ESYT2: variants seen among roughly 807,000 people sequenced by gnomAD.
ESYT2 encodes the protein extended synaptotagmin 2, also known as extended synaptotagmin-2.
ESYT2 carries 54 observed loss-of-function variants against 107.2 expected under a neutral mutation model. That is an observed-to-expected ratio of 0.50 (90% CI 0.40 to 0.63). The LOEUF (loss-of-function observed/expected upper bound fraction) is 0.63. Ranked by LOEUF, ESYT2 falls within the 30% of genes least tolerant of loss-of-function variation. The pLI is 0.00. For synonymous variants in ESYT2, 491 were observed against 434.1 expected (o/e 1.13, Z -1.63); for missense variants, 1,020 against 1,094.5 (o/e 0.93, Z 0.96).
Position 158,764,811 on chromosome 7 carries a change from C to G in ESYT2, c.967G>C (p.Gly323Arg). 6.2e-7 allele frequency: 1 copy of G among 1,614,130 alleles called. No individual in the cohort carries two copies. ...IHFIEAQDLQ[G>R]KDTYLKGLVK... The stretch of plus-strand genomic sequence containing the variant: ...AGTCCCTTAAGGTAAGTGTCTTTCC[C>G]CTGAAGATCCTGAGCTTCAATAAAA... Residue 323 changes from glycine to arginine, a missense_variant, in exon 9 of 23, where the codon GGG becomes CGG. Coordinates refer to ENST00000275418, the MANE Select transcript of ESYT2 (RefSeq NM_001367773.1).
rs34213199 is a variant in ESYT2 at position 158,764,681 on chromosome 7, T to C, written c.1097A>G (p.Tyr366Cys). ...ENLSPKWNEVYEALVYEHPGQ... is the reference protein window; with the variant it reads ...ENLSPKWNEVCEALVYEHPGQ... Reference sequence around the variant, plus strand: ...ACAGCAGACACGACACCCCACCTCATAGACTTCATTCCACTTTGGACTGAG... The same window carrying C: ...ACAGCAGACACGACACCCCACCTCACAGACTTCATTCCACTTTGGACTGAG... Residue 366 changes from tyrosine to cysteine, a missense_variant, in exon 9 of 23, where the codon TAT becomes TGT. By Grantham distance (194) the Tyr-to-Cys change is radical. Transcript: ENST00000275418. The C allele has an allele frequency of 7.8e-3, 12,575 of 1,613,952 alleles. 58 individuals carry two copies. Among genetic ancestry groups the C allele is most frequent in the Non-Finnish European group, 9.5e-3 (11,247 of 1,179,882 alleles).
intron 1 of ESYT2, among the ~76,000 whole-genome samples, chr7:158,817,853 T>C (rs1840187414): frequency 6.6e-6 from 1 of 152,234 alleles, no homozygotes; most frequent in South Asian, 2.1e-4. Flanking sequence ...ATTAATAATT[T>C]TAGCAATTTG....
At chr7:158,783,944 G>A (rs1839017092) in intron 6 of ESYT2, among the ~76,000 whole-genome samples, 2 of 152,214 alleles carry the variant, frequency 1.3e-5, no homozygotes, top group South Asian at 4.1e-4. Context: ...CTGCAGCTGG[G>A]GAGAGGTCCC....
rs781109352 is a variant in ESYT2, at chr7:158,773,408, CA to C, written c.748-13del. The C allele has an allele frequency of 6.8e-6, 11 of 1,613,864 alleles. No individual in the cohort carries two copies. The South Asian group carries it at 1.2e-4, about 18-fold the overall frequency. ...TTAATTTCTAAAAGCTGTTTTAAAA[CA>C]AGGGCAAAATATTAAGTTCCAAACA... On this transcript the variant is annotated splice_polypyrimidine_tract_variant and intron_variant, in intron 6 of 22. Transcript: ENST00000275418.
intron 6 of ESYT2, among the ~76,000 whole-genome samples, 198 bp downstream of exon 6, chr7:158,787,806 G>C (rs747211275): frequency 1.4e-4 from 22 of 152,102 alleles, no homozygotes; most frequent in Non-Finnish European, 3.1e-4. Context: ...TTTATAATCA[G>C]GAAAGAGAGC....
chr7:158,788,744 G>C (rs932406178), intron 4 of ESYT2, among the ~76,000 whole-genome samples: 4 of 152,156 alleles, frequency 2.6e-5, no homozygotes, highest in Non-Finnish European at 4.4e-5. Context: ...ATAACAAACT[G>C]CAACTTCTGA....
At chr7:158,750,858 C>T (rs1837562102) in intron 14 of ESYT2, among the ~76,000 whole-genome samples, 1 of 152,216 alleles carries the variant, frequency 6.6e-6, no homozygotes, top group Non-Finnish European at 1.5e-5. Flanking sequence ...CCACAGGAGG[C>T]TGTGTCCCCT....
At chr7:158,743,823 G>GTA in intron 16 of ESYT2, 145 bp from the exon 17 acceptor site, 1 of 880,242 alleles carries the variant, frequency 1.1e-6, no homozygotes, top group Non-Finnish European at 1.6e-6. Context: ...GCTCACGCCT[G>GTA]TAATTTCAGC....
At chr7:158,828,921 C>A (rs1275829823) in intron 1 of ESYT2, among the ~76,000 whole-genome samples, 168 bp downstream of exon 1, 2 of 140,364 alleles carry the variant, frequency 1.4e-5, no homozygotes, top group South Asian at 2.4e-4. Flanking sequence ...GGAAGGGAAG[C>A]GCCTGCCTGG....
chr7:158,816,634 A>C (rs929157852), intron 1 of ESYT2, among the ~76,000 whole-genome samples: 1 of 152,192 alleles, frequency 6.6e-6, no homozygotes, highest in African/African-American at 2.4e-5. Flanking sequence ...GAAGCCACCA[A>C]GTTGATGGCA....
chr7:158,782,234 ACAAC>A (rs1318487417), intron 6 of ESYT2, among the ~76,000 whole-genome samples: 2 of 77,620 alleles, frequency 2.6e-5, no homozygotes, highest in South Asian at 4.0e-4. Context: ...TGTGAGTGTA[ACAAC>A]GAGTGAGAAT....
At chr7:158,742,006 CAA>C (rs1030887477) in intron 17 of ESYT2, 110 bp from the exon 18 acceptor site, 10 of 1,304,486 alleles carry the variant, frequency 7.7e-6, no homozygotes, top group Non-Finnish European at 9.3e-6. Context: ...AAACTTAGCT[CAA>C]AAAAAAATTT....
rs1219869401 is a variant in ESYT2 at position 158,814,287 on chromosome 7, T to TTTTA, written c.330+14801_330+14802insTAAA. 2.2e-4 allele frequency among the ~76,000 whole-genome samples: 15 copies of TTTTA among 66,896 alleles called. 1 individual carries two copies. Among genetic ancestry groups the TTTTA allele is most frequent in the South Asian group, 1.6e-3 (3 of 1,848 alleles). 43.9% of individuals were successfully genotyped at this position (66,896 alleles called of 152,430 possible). A position where few individuals can be genotyped will look rare whatever the true frequency, so the allele number is the denominator to read the frequency against. On this transcript the variant is annotated intron_variant, in intron 1 of 22. Transcript: ENST00000275418. ...AGACTCCGTCTCAAAAAAAAAAAAA[T>TTTTA]TATATATATATATATATATATATAT...
Position 158,800,304 on chromosome 7 carries a change from C to T in ESYT2, c.331-1232G>A, listed in dbSNP as rs547443188. Among the ~76,000 whole-genome samples, 180 of 152,276 alleles carry T rather than the reference C, an allele frequency of 1.2e-3. 2 individuals are homozygous for T. The highest frequency in any genetic ancestry group is 3.9e-3 in the African/African-American group (163 of 41,546). On this transcript the variant is annotated intron_variant, in intron 1 of 22. Coordinates refer to ENST00000275418, the MANE Select transcript of ESYT2 (RefSeq NM_001367773.1). ...CCTCGTGATCCGCCTGCCTCTGCCT[C>T]CCAAAGTGCTGAGATTATAGGTGTG...
intron 5 of ESYT2, 74 bp from the exon 6 acceptor site, chr7:158,788,167 T>C (rs928924765): frequency 2.2e-6 from 3 of 1,340,846 alleles, no homozygotes; most frequent in African/African-American, 2.9e-5. Context: ...GGAGTTTGCA[T>C]GCGAATCTTA....
At chr7:158,796,109 A>C (rs748348086) in intron 3 of ESYT2, among the ~76,000 whole-genome samples, 28 of 152,190 alleles carry the variant, frequency 1.8e-4, no homozygotes, top group Admixed American at 3.9e-4. Flanking sequence ...CACAACCCTG[A>C]ACCGCACTGC....
intron 17 of ESYT2, among the ~76,000 whole-genome samples, chr7:158,743,116 G>T (rs1392968915): frequency 6.6e-6 from 1 of 152,062 alleles, no homozygotes; most frequent in African/African-American, 2.4e-5. Flanking sequence ...TTTTTTTCCT[G>T]TAAGTTCTAC....
intron 1 of ESYT2, among the ~76,000 whole-genome samples, chr7:158,814,420 C>A (rs1202807409): frequency 3.3e-5 from 5 of 150,118 alleles, no homozygotes; most frequent in African/African-American, 1.2e-4. Flanking sequence ...TTACTCGTCC[C>A]GATTACTCTC....
At chr7:158,781,896 AGTGT>A (rs796259703) in intron 6 of ESYT2, among the ~76,000 whole-genome samples, 7 of 149,794 alleles carry the variant, frequency 4.7e-5, no homozygotes, top group Non-Finnish European at 7.4e-5. Context: ...AACGAGAACA[AGTGT>A]GAGTGAACGA....
Sources: gnomAD v4.1 joint callset for allele counts (sites outside exome capture counted in the v4.1 genomes callset) on GRCh38, gnomAD v4.1.1 for gene constraint, MANE v1.5 for transcripts, NCBI Gene and HGNC (gene_info 2026-07-23, HGNC 2026-07-21) for gene names.